Variants in FBXL17 observed in about 807,000 individuals in gnomAD.
FBXL17 encodes F-box and leucine rich repeat protein 17.
Under a neutral mutation model 66.2 loss-of-function variants are expected in FBXL17, and 22 were observed. The ratio of observed to expected loss-of-function variants is 0.33; its 90% confidence interval spans 0.24 to 0.47. The LOEUF (loss-of-function observed/expected upper bound fraction) is 0.47. Among genes scored for constraint, FBXL17 ranks in the 20% least tolerant of loss-of-function variants. The probability of loss-of-function intolerance (pLI) is 1.00; values close to 1 mark genes in which losing one functional copy is unlikely to be tolerated. For synonymous variants in FBXL17, 474 were observed against 400.5 expected, an observed-to-expected ratio of 1.18 and a Z score of -2.19; for missense variants, 878 against 948.2, an observed-to-expected ratio of 0.93 and a Z score of 0.97.
chr5:108,101,501 T>G (rs912894333), intron 6 of FBXL17, among the ~76,000 whole-genome samples: 1 of 152,246 alleles, frequency 6.6e-6, no homozygotes, highest in East Asian at 1.9e-4. Flanking sequence ...GTGTTTTGTA[T>G]GCAGAATACA....
rs553154375 is a variant in FBXL17, at chr5:108,061,430, C to T, written c.1746-40429G>A. ...AGAGGAAGAGAAGAGAGAAAATGAG[C>T]ACAAGGCTCATTTCCAGAACCAGCC... On this transcript the variant is annotated intron_variant, in intron 6 of 8. Coordinates refer to ENST00000542267, the MANE Select transcript of FBXL17 (RefSeq NM_001163315.3). Among the ~76,000 whole-genome samples, 3 of 152,208 alleles carry T rather than the reference C, an allele frequency of 2.0e-5. No individual in the cohort carries two copies. The South Asian group carries it at 6.2e-4, about 32-fold the overall frequency.
chr5:108,269,278 A>G (rs929315910), intron 4 of FBXL17, among the ~76,000 whole-genome samples: 2 of 152,044 alleles, frequency 1.3e-5, no homozygotes, highest in African/African-American at 4.8e-5. Flanking sequence ...TATGCCACTC[A>G]AAGTGGCGTA....
chr5:108,276,564 A>T (rs556414665), intron 4 of FBXL17, among the ~76,000 whole-genome samples: 2 of 152,124 alleles, frequency 1.3e-5, no homozygotes, highest in African/African-American at 4.8e-5. Flanking sequence ...TTATCCTTCT[A>T]TTTATAATGA....
intron 7 of FBXL17, among the ~76,000 whole-genome samples, chr5:108,017,482 T>TGA (rs762753719): frequency 2.6e-5 from 4 of 152,306 alleles, no homozygotes; most frequent in East Asian, 1.9e-4. Flanking sequence ...TGCCAATTAG[T>TGA]GAGTGTCGAC....
chr5:107,870,880 AT>A, intron 8 of FBXL17, among the ~76,000 whole-genome samples: 1 of 152,088 alleles, frequency 6.6e-6, no homozygotes, highest in South Asian at 2.1e-4. Context: ...AAGATAAGAA[AT>A]TTTAAGAAGA....
rs774714019 is a variant in FBXL17, at chr5:107,861,705, G to C, written c.*15C>G. The C allele has an allele frequency of 6.4e-7, 1 of 1,561,532 alleles. No homozygotes were observed. The highest frequency in any genetic ancestry group is 1.8e-5 in the Admixed American group (1 of 54,732). On this transcript the variant is annotated 3_prime_UTR_variant, in exon 9 of 9. Coordinates refer to ENST00000542267, the MANE Select transcript of FBXL17 (RefSeq NM_001163315.3). ...TCTGCTGAATGATCCCAGTGGACTAGGCGAGGCAGGAGCGCTAGGAGGAGG... is the reference window on the plus strand; with the variant it reads ...TCTGCTGAATGATCCCAGTGGACTACGCGAGGCAGGAGCGCTAGGAGGAGG...
chr5:108,057,364 A>G (rs1290664045), intron 6 of FBXL17, among the ~76,000 whole-genome samples: 3 of 152,192 alleles, frequency 2.0e-5, no homozygotes, highest in Non-Finnish European at 4.4e-5. Flanking sequence ...CAGAAGAAAT[A>G]GTATGATTTT....
intron 8 of FBXL17, among the ~76,000 whole-genome samples, chr5:107,874,556 T>C (rs1360906738): frequency 6.6e-6 from 1 of 152,168 alleles, no homozygotes; most frequent in Non-Finnish European, 1.5e-5. Context: ...GACAGTAAAA[T>C]GATGGAGGTA....
intron 6 of FBXL17, among the ~76,000 whole-genome samples, chr5:108,134,358 C>T (rs1751050657): frequency 6.6e-6 from 1 of 152,048 alleles, no homozygotes; most frequent in South Asian, 2.1e-4. Flanking sequence ...CAAATAATTC[C>T]CTATTCACTT....
At chr5:108,107,300 G>A (rs6868799) in intron 6 of FBXL17, among the ~76,000 whole-genome samples, 44,977 of 151,938 alleles carry the variant, frequency 0.3, 7,619 homozygotes, top group Middle Eastern at 0.39. Context: ...TCGAACTCCC[G>A]ACCTCAGGTG....
At chr5:107,944,020 G>C (rs1227238913) in intron 7 of FBXL17, among the ~76,000 whole-genome samples, 1 of 152,108 alleles carries the variant, frequency 6.6e-6, no homozygotes, top group Admixed American at 6.5e-5. Context: ...CTGTGCTGTT[G>C]CATATGCTGT....
intron 4 of FBXL17, among the ~76,000 whole-genome samples, chr5:108,251,530 T>C (rs1756350593): frequency 6.6e-6 from 1 of 152,028 alleles, no homozygotes. Context: ...CAGACTTCAT[T>C]ATTCTGACAC....
At chr5:108,294,345 C>CA (rs1239724286) in intron 4 of FBXL17, among the ~76,000 whole-genome samples, 1 of 149,522 alleles carries the variant, frequency 6.7e-6, no homozygotes, top group South Asian at 2.1e-4. Flanking sequence ...GGCTCTAACC[C>CA]AAAAAAGGAT....
chr5:108,138,495 T>C (rs1237543612), intron 6 of FBXL17, among the ~76,000 whole-genome samples: 3 of 152,324 alleles, frequency 2.0e-5, no homozygotes, highest in Non-Finnish European at 2.9e-5. Context: ...CCTGATATTA[T>C]TCAAGAGATA....
intron 7 of FBXL17, among the ~76,000 whole-genome samples, chr5:107,987,638 T>G: frequency 6.6e-6 from 1 of 151,992 alleles, no homozygotes. Context: ...AGATAAAACC[T>G]CTTCGTGAAA....
intron 6 of FBXL17, among the ~76,000 whole-genome samples, chr5:108,152,095 G>C (rs1001172666): frequency 1.3e-5 from 2 of 152,118 alleles, no homozygotes; most frequent in African/African-American, 4.8e-5. Flanking sequence ...AAAACATTAA[G>C]TAGATACTAA....
At chr5:108,272,560 G>C (rs1304995661) in intron 4 of FBXL17, among the ~76,000 whole-genome samples, 1 of 151,918 alleles carries the variant, frequency 6.6e-6, no homozygotes, top group Non-Finnish European at 1.5e-5. Context: ...CACCATGTTG[G>C]CCAAGCTTAT....
At chr5:107,993,053 G>T (rs957017005) in intron 7 of FBXL17, among the ~76,000 whole-genome samples, 2 of 151,956 alleles carry the variant, frequency 1.3e-5, no homozygotes, top group African/African-American at 4.8e-5. Flanking sequence ...CCGCCACCAC[G>T]CCTGGCTAAT....
chr5:108,096,503 T>C (rs1032319649), intron 6 of FBXL17, among the ~76,000 whole-genome samples: 2 of 152,104 alleles, frequency 1.3e-5, no homozygotes, highest in African/African-American at 4.8e-5. Flanking sequence ...GAGAACATGA[T>C]TGACAAGCAA....
Sources: allele counts gnomAD v4.1 joint callset (sites outside exome capture counted in the v4.1 genomes callset), GRCh38; gene constraint gnomAD v4.1.1; transcripts MANE v1.5; gene names NCBI Gene and HGNC (gene_info 2026-07-23, HGNC 2026-07-21).